The following MCF2L2 variants were observed in gnomAD, a reference collection of about 807,000 sequenced individuals.
MCF2L2 encodes probable guanine nucleotide exchange factor MCF2L2.
In MCF2L2, 102 loss-of-function variants were observed where a neutral mutation model predicts 150.2. That is an observed-to-expected ratio of 0.68 (90% confidence interval 0.58 to 0.80). The LOEUF (loss-of-function observed/expected upper bound fraction) is 0.80, where lower values mean the gene tolerates loss of function less well. MCF2L2 is among the 30% of genes least tolerant of loss of function. The probability of loss-of-function intolerance (pLI) is 0.00; values close to 1 mark genes in which losing one functional copy is unlikely to be tolerated. For synonymous variants in MCF2L2, 465 were observed against 491.3 expected (o/e 0.95, Z 0.71); for missense variants, 1,256 against 1,372.8 (o/e 0.91, Z 1.34).
chr3:183,264,639 C>A (rs1333281925), intron 15 of MCF2L2, among the ~76,000 whole-genome samples: 1 of 152,228 alleles, frequency 6.6e-6, no homozygotes, highest in Non-Finnish European at 1.5e-5. Context: ...ACCTCCCCAT[C>A]TTGATTAAAA....
At chr3:183,392,734 T>C (rs753162325) in intron 1 of MCF2L2, among the ~76,000 whole-genome samples, 2 of 152,170 alleles carry the variant, frequency 1.3e-5, no homozygotes, top group African/African-American at 2.4e-5. Flanking sequence ...TTCAGTTGCC[T>C]GACACTTGTG....
At chr3:183,278,283 T>TGTG (rs758601375) in intron 14 of MCF2L2, among the ~76,000 whole-genome samples, 1 of 138,474 alleles carries the variant, frequency 7.2e-6, no homozygotes, top group African/African-American at 2.9e-5. Context: ...AATGAAAAAA[T>TGTG]TGTGTGTGTG....
intron 2 of MCF2L2, among the ~76,000 whole-genome samples, chr3:183,386,348 A>G (rs140521017): frequency 6.6e-6 from 1 of 152,220 alleles, no homozygotes; most frequent in African/African-American, 2.4e-5. Flanking sequence ...CGTCAGAGCT[A>G]CCAGAGGCCC....
At chr3:183,203,482 C>G (rs926887668) in intron 25 of MCF2L2, among the ~76,000 whole-genome samples, 13 of 152,140 alleles carry the variant, frequency 8.5e-5, no homozygotes, top group Middle Eastern at 3.4e-3. Context: ...CAGATCTGAG[C>G]AGGCAGAAGA....
At chr3:183,231,093 A>G in intron 15 of MCF2L2, 76 bp from the exon 16 acceptor site, 1 of 1,090,578 alleles carries the variant, frequency 9.2e-7, no homozygotes, top group South Asian at 1.3e-5. Flanking sequence ...GAATTCTGTT[A>G]GAATAATGCT....
intron 12 of MCF2L2, 166 bp downstream of exon 12, chr3:183,296,810 G>T: frequency 4.8e-6 from 3 of 626,568 alleles, no homozygotes; most frequent in South Asian, 4.1e-5. Context: ...ATGCCAGGAC[G>T]TTCAGGCCGA....
intron 1 of MCF2L2, among the ~76,000 whole-genome samples, chr3:183,420,868 AC>A (rs1334155859): frequency 6.6e-6 from 1 of 151,660 alleles, no homozygotes; most frequent in Non-Finnish European, 1.5e-5. Context: ...TTATCCAATC[AC>A]CCCCCACCAG....
In MCF2L2 at chr3:183,270,863, A is replaced by AT. The variant is rs773124339; in HGVS notation, c.1862+6008dup. On this transcript the variant is annotated intron_variant, in intron 15 of 29. Coordinates refer to ENST00000328913, the MANE Select transcript of MCF2L2 (RefSeq NM_015078.4). The surrounding 1 kb of genome is among the most constrained non-coding windows in gnomAD (Gnocchi z 4.5). ...GTTTTTTTGGTCAAATATACTGCAGATTAATGAAGATAATTCTCCTTTGTA... is the reference window on the plus strand; with the variant it reads ...GTTTTTTTGGTCAAATATACTGCAGATTTAATGAAGATAATTCTCCTTTGTA... 5.0e-6 allele frequency: 8 copies of AT among 1,612,008 alleles called. No individual in the cohort carries two copies. Among genetic ancestry groups the AT allele is most frequent in the Admixed American group, 1.7e-5 (1 of 59,486 alleles).
chr3:183,219,722 G>T, intron 21 of MCF2L2, 134 bp downstream of exon 21: 1 of 559,422 alleles, frequency 1.8e-6, no homozygotes, highest in Non-Finnish European at 3.1e-6. Flanking sequence ...TTGACTGTGA[G>T]TTATAGGATA....
intron 13 of MCF2L2, among the ~76,000 whole-genome samples, chr3:183,290,388 G>A (rs1047394032): frequency 6.6e-6 from 1 of 152,188 alleles, no homozygotes; most frequent in Non-Finnish European, 1.5e-5. Context: ...GCTTTGCCAA[G>A]CATTGTGGGT....
Position 183,428,067 on chromosome 3 carries a change from A to G in MCF2L2, c.-90T>C. The G allele has an allele frequency of 1.0e-6, 1 of 974,494 alleles. No individual in the cohort carries two copies. Among genetic ancestry groups the G allele is most frequent in the African/African-American group, 1.6e-5 (1 of 62,834 alleles). The allele number at this position is 974,494 out of a possible 1,614,324, so 60.4% of individuals were successfully genotyped here. ...GATTTTTTAAAGGCATCTCCGCCCA[A>G]GGATGCTCTGCCCTCGCCCTCTTCC... On this transcript the variant is annotated 5_prime_UTR_variant, in exon 1 of 30. Transcript: ENST00000328913. This position sits in a 1 kb window ranked among gnomAD's most constrained non-coding sequence, Gnocchi z 5.1.
intron 3 of MCF2L2, among the ~76,000 whole-genome samples, chr3:183,355,613 ATTTTTT>A (rs71185653): frequency 7.1e-5 from 6 of 84,454 alleles, no homozygotes; most frequent in African/African-American, 2.2e-4. Context: ...CGCCCAGCTA[ATTTTTT>A]TTTTTTTTTT....
chr3:183,341,752 C>T lies in MCF2L2; in HGVS notation c.276-122G>A, dbSNP rs1730705974. On this transcript the variant is annotated intron_variant, in intron 3 of 29. Coordinates refer to ENST00000328913, the MANE Select transcript of MCF2L2 (RefSeq NM_015078.4). ...CCAGGCTCACCGTGTAAACACCCTG[C>T]ACAGCACAACCAACTCCCTCTCCCA... The T allele has an allele frequency of 5.9e-6, 4 of 675,262 alleles. No homozygotes were observed. In the South Asian group the frequency reaches 6.7e-5, roughly 11 times the overall value. 41.8% of individuals were successfully genotyped at this position (675,262 alleles called of 1,614,324 possible).
Position 183,300,336 on chromosome 3 carries a change from G to A in MCF2L2, c.1114-140C>T. The A allele has an allele frequency of 9.4e-6, 7 of 747,990 alleles. No individual in the cohort carries two copies. The South Asian group carries it at 1.3e-4, about 14-fold the overall frequency. The allele number at this position is 747,990 out of a possible 1,614,324, so 46.3% of individuals were successfully genotyped here. ...GATGAAGGCTGGAGAACCTGAGAAA[G>A]CTCGGAATGGTTCCAGGCCCAGGAA... On this transcript the variant is annotated intron_variant, in intron 10 of 29. Coordinates refer to ENST00000328913, the MANE Select transcript of MCF2L2 (RefSeq NM_015078.4).
chr3:183,385,170 T>G lies in MCF2L2; in HGVS notation c.160+4526A>C, dbSNP rs145297073. Reference sequence around the variant, plus strand: ...ATATTATTTTAGATATGGGTAAATTTAAAATATATAATTAAAATTCATTGT... The same window carrying G: ...ATATTATTTTAGATATGGGTAAATTGAAAATATATAATTAAAATTCATTGT... On this transcript the variant is annotated intron_variant, in intron 2 of 29. Transcript: ENST00000328913. Among the ~76,000 whole-genome samples the G allele has an allele frequency of 2.4e-4, 36 of 152,358 alleles. No homozygotes were observed. The East Asian group carries it at 6.7e-3, about 29-fold the overall frequency.
Position 183,404,272 on chromosome 3 carries a change from TCAAA to T in MCF2L2, c.77-14497_77-14494del, listed in dbSNP as rs142313076. Among the ~76,000 whole-genome samples the T allele has an allele frequency of 9.2e-5, 14 of 152,272 alleles. No individual in the cohort carries two copies. In the East Asian group the frequency reaches 2.7e-3, roughly 29 times the overall value. The stretch of plus-strand genomic sequence containing the variant: ...ATGAATACAATAACACATTTATCTA[TCAAA>T]CAAGCAAAAATTCAAATAAGAAACA... On this transcript the variant is annotated intron_variant, in intron 1 of 29. Coordinates refer to ENST00000328913, the MANE Select transcript of MCF2L2 (RefSeq NM_015078.4).
At chr3:183,321,850 G>A (rs1729826354) in intron 6 of MCF2L2, among the ~76,000 whole-genome samples, 1 of 152,232 alleles carries the variant, frequency 6.6e-6, no homozygotes, top group Admixed American at 6.5e-5. Flanking sequence ...ACCTTAGGCT[G>A]GGTAATTTAT....
At position 183,180,149 on chromosome 3, in the gene MCF2L2, G is replaced by C; in HGVS notation, c.3027C>G (p.Ser1009Arg). Residue 1009 changes from serine (S) to arginine (R), a missense_variant, in exon 28 of 30, where the codon AGC becomes AGG. Physicochemically the swap from Ser to Arg is moderately radical, Grantham distance 110 (BLOSUM62 -1). Coordinates refer to ENST00000328913, the MANE Select transcript of MCF2L2 (RefSeq NM_015078.4). ...AGGTGTCCATGGAGCTAAACTCCCT[G>C]CTGGAGCAGCCTTAGGGAGAGAAAG... is the stretch of plus-strand genomic sequence containing the variant. Reference protein sequence around the residue: ...SSTGGIKGCSSREFSSMDTFE... With the variant: ...SSTGGIKGCSRREFSSMDTFE... 2 of 1,612,272 alleles carry C rather than the reference G, an allele frequency of 1.2e-6. No individual in the cohort carries two copies. The highest frequency in any genetic ancestry group is 1.7e-6 in the Non-Finnish European group (2 of 1,178,626).
intron 15 of MCF2L2, among the ~76,000 whole-genome samples, chr3:183,262,714 A>C (rs962089461): frequency 1.6e-5 from 2 of 124,766 alleles, no homozygotes; most frequent in Non-Finnish European, 3.3e-5. Flanking sequence ...TGAAGTCTTC[A>C]GGGTGGGGGG....
Sources: gnomAD v4.1 joint callset for allele counts (sites outside exome capture counted in the v4.1 genomes callset) on GRCh38, gnomAD v4.1.1 for gene constraint, Gnocchi (gnomAD v3.1) non-coding constraint, MANE v1.5 for transcripts, NCBI Gene and HGNC (gene_info 2026-07-23, HGNC 2026-07-21) for gene names.